Variants in HDAC8 observed in about 807,000 individuals in gnomAD.
HDAC8 encodes histone deacetylase-like 1.
A neutral mutation model predicts 32.2 loss-of-function variants in HDAC8; 1 was observed. The ratio of observed to expected loss-of-function variants is 0.03; its 90% confidence interval spans 0.01 to 0.15. The LOEUF is 0.15. HDAC8 is among the 10% of genes least tolerant of loss of function. The probability of loss-of-function intolerance (pLI) is 1.00; values close to 1 mark genes in which losing one functional copy is unlikely to be tolerated. For synonymous variants in HDAC8, 108 were observed against 113.9 expected (o/e 0.95, Z 0.33); for missense variants, 117 against 300.0 (o/e 0.39, Z 4.51).
chrX:72,547,607 G>A (rs1332691716), intron 4 of HDAC8, among the ~76,000 whole-genome samples: 2 of 110,260 alleles, frequency 1.8e-5, no homozygotes, highest in Non-Finnish European at 3.8e-5. Flanking sequence ...ATTTATTGAG[G>A]TAGTGTAGTA....
chrX:72,499,194 A>C (rs2049129098), intron 4 of HDAC8, among the ~76,000 whole-genome samples: 1 of 111,747 alleles, frequency 8.9e-6, no homozygotes, highest in Admixed American at 9.5e-5. Flanking sequence ...TTCTTTATAA[A>C]TTACCCAGAC....
At chrX:72,555,233 CAA>C (rs782628686) in intron 4 of HDAC8, among the ~76,000 whole-genome samples, 2 of 112,140 alleles carry the variant, frequency 1.8e-5, no homozygotes, top group Admixed American at 1.9e-4. Flanking sequence ...CCCCGTGGGA[CAA>C]AAGAGTCTGA....
chrX:72,478,680 G>A lies in HDAC8; in HGVS notation c.737+10253C>T, dbSNP rs1168155514. On this transcript the variant is annotated intron_variant, in intron 7 of 10. Transcript: ENST00000373573. Reference sequence around the variant, plus strand: ...CTTTTTTTTTTTTTTTTTTGACGGAGTCTTGCTCTGTTACCTAGGCTGGAG... The same window carrying A: ...CTTTTTTTTTTTTTTTTTTGACGGAATCTTGCTCTGTTACCTAGGCTGGAG... Among the ~76,000 whole-genome samples the A allele has an allele frequency of 4.1e-5, 4 of 98,376 alleles. No homozygotes were observed. The East Asian group carries it at 1.2e-3, about 31-fold the overall frequency. 85.4% of individuals were successfully genotyped at this position (98,376 alleles called of 115,157 possible). A position where few individuals can be genotyped will look rare whatever the true frequency, so the allele number is the denominator to read the frequency against.
At chrX:72,458,826 T>C (rs782217940) in intron 9 of HDAC8, among the ~76,000 whole-genome samples, 2 of 112,261 alleles carry the variant, frequency 1.8e-5, no homozygotes, top group East Asian at 5.6e-4. Flanking sequence ...CCAACTGAGC[T>C]TTTTAAAAGT....
At chrX:72,396,853 A>C (rs2984298) in intron 9 of HDAC8, among the ~76,000 whole-genome samples, 8 of 111,312 alleles carry the variant, frequency 7.2e-5, no homozygotes, top group African/African-American at 2.0e-4. Context: ...ACAACAACAA[A>C]AACAACAACA....
intron 9 of HDAC8, among the ~76,000 whole-genome samples, chrX:72,403,268 A>G (rs1555967922): frequency 9.0e-6 from 1 of 110,906 alleles, no homozygotes; most frequent in Admixed American, 9.6e-5. Context: ...TTTTTTCTGT[A>G]ACATTTTAAT....
chrX:72,558,935 A>C, intron 4 of HDAC8, among the ~76,000 whole-genome samples: 1 of 110,147 alleles, frequency 9.1e-6, no homozygotes, highest in Non-Finnish European at 1.9e-5. Context: ...TAGCTGTGCT[A>C]TGCACCACAG....
intron 4 of HDAC8, among the ~76,000 whole-genome samples, chrX:72,533,835 A>G (rs1276660039): frequency 1.8e-5 from 2 of 111,411 alleles, no homozygotes; most frequent in African/African-American, 6.5e-5. Context: ...ATAAACACTC[A>G]CTAGGAATAG....
intron 9 of HDAC8, among the ~76,000 whole-genome samples, chrX:72,432,455 A>G (rs1265227098): frequency 1.3e-4 from 14 of 110,991 alleles, no homozygotes; most frequent in Admixed American, 1.2e-3. Context: ...CCTTAGTCAC[A>G]GTGGCCTCCT....
intron 9 of HDAC8, among the ~76,000 whole-genome samples, chrX:72,425,554 T>C (rs782045883): frequency 8.9e-6 from 1 of 112,371 alleles, no homozygotes; most frequent in East Asian, 2.8e-4. Flanking sequence ...TCTTGGTTGA[T>C]GGTGTTGTTG....
intron 1 of HDAC8, chrX:72,572,353 C>T (rs2052122870): frequency 7.2e-6 from 3 of 417,519 alleles, no homozygotes; most frequent in Non-Finnish European, 1.2e-5. Context: ...CCCCCTGCAG[C>T]TTGTTTTCCC....
At chrX:72,417,059 C>T (rs1555972041) in intron 9 of HDAC8, among the ~76,000 whole-genome samples, 1 of 111,061 alleles carries the variant, frequency 9.0e-6, no homozygotes, top group African/African-American at 3.3e-5. Context: ...GTGTACAATT[C>T]AGTGACATTA....
At position 72,380,290 on chromosome X, in the gene HDAC8, CA is replaced by C. The variant is rs1180242797; in HGVS notation, c.1006-28453del. ...CTCTAATTATTTTTGACAAATACCC[CA>C]AGGAAAAAGTTTTTCACACTGAGCA... On this transcript the variant is annotated intron_variant, in intron 9 of 10. Transcript: ENST00000373573. Among the ~76,000 whole-genome samples the C allele has an allele frequency of 3.6e-5, 4 of 111,619 alleles. No individual in the cohort carries two copies. In the Admixed American group the frequency reaches 3.8e-4, roughly 11 times the overall value.
intron 9 of HDAC8, among the ~76,000 whole-genome samples, chrX:72,436,324 G>C (rs1017871624): frequency 8.9e-6 from 1 of 112,032 alleles, no homozygotes; most frequent in Non-Finnish European, 1.9e-5. Flanking sequence ...AGCAGCTAGA[G>C]AGAAATGATG....
At chrX:72,553,396 C>T (rs1016251119) in intron 4 of HDAC8, among the ~76,000 whole-genome samples, 18 of 111,620 alleles carry the variant, frequency 1.6e-4, no homozygotes, top group African/African-American at 5.9e-4. Context: ...GGATATGTTG[C>T]AGTATACTAC....
intron 9 of HDAC8, among the ~76,000 whole-genome samples, chrX:72,362,759 G>A (rs980860256): frequency 4.5e-5 from 5 of 112,082 alleles, no homozygotes; most frequent in Non-Finnish European, 9.4e-5. Context: ...TAGTAAAATT[G>A]GATTTCTTTA....
intron 4 of HDAC8, among the ~76,000 whole-genome samples, chrX:72,534,226 A>G (rs2050442986): frequency 9.2e-6 from 1 of 108,792 alleles, no homozygotes; most frequent in Non-Finnish European, 1.9e-5. Context: ...AGTAGCAATT[A>G]ACAATCCAAA....
intron 9 of HDAC8, among the ~76,000 whole-genome samples, chrX:72,382,977 C>G (rs1387861682): frequency 1.8e-5 from 2 of 112,222 alleles, no homozygotes; most frequent in Non-Finnish European, 3.8e-5. Context: ...ATAGATCAAT[C>G]TTCTCAGCCT....
intron 7 of HDAC8, among the ~76,000 whole-genome samples, chrX:72,477,821 GTGGATC>G (rs1473782182): frequency 1.1e-4 from 12 of 112,546 alleles, no homozygotes; most frequent in African/African-American, 3.9e-4. Context: ...AGAGTGTCTG[GTGGATC>G]ATTTAGGATC....
Sources: allele counts gnomAD v4.1 joint callset (sites outside exome capture counted in the v4.1 genomes callset), GRCh38; gene constraint gnomAD v4.1.1; transcripts MANE v1.5; gene names NCBI Gene and HGNC (gene_info 2026-07-23, HGNC 2026-07-21).